Variants in NFIA observed in about 807,000 individuals in gnomAD.
NFIA encodes the protein nuclear factor 1 A-type.
NFIA carries 8 observed loss-of-function variants against 62.8 expected under a neutral mutation model. That is an observed-to-expected ratio of 0.13 (90% CI 0.07 to 0.23). The LOEUF (loss-of-function observed/expected upper bound fraction) is 0.23, where lower values mean the gene tolerates loss of function less well. NFIA is among the 10% of genes least tolerant of loss of function. NFIA has a pLI of 1.00. For missense variants in NFIA, 410 were observed against 642.1 expected, an observed-to-expected ratio of 0.64 and a Z score of 3.91; for synonymous variants, 235 against 238.1, an observed-to-expected ratio of 0.99 and a Z score of 0.12.
At chr1:61,453,250 G>A (rs1200145381) in intron 10 of NFIA, among the ~76,000 whole-genome samples, 1 of 152,004 alleles carries the variant, frequency 6.6e-6, no homozygotes, top group African/African-American at 2.4e-5. Flanking sequence ...TGATAGTCAC[G>A]TCTGGGTCTG....
chr1:61,120,277 TGCCAA>T (rs879310799), intron 2 of NFIA, among the ~76,000 whole-genome samples: 1 of 152,212 alleles, frequency 6.6e-6, no homozygotes, highest in Non-Finnish European at 1.5e-5. Flanking sequence ...CAATAAGTAA[TGCCAA>T]GTGGGACAGT....
intron 2 of NFIA, among the ~76,000 whole-genome samples, chr1:61,177,256 C>G (rs1286494836): frequency 6.6e-6 from 1 of 152,132 alleles, no homozygotes; most frequent in Non-Finnish European, 1.5e-5. Flanking sequence ...GTATTTCCCT[C>G]CTTCCCACAT....
At chr1:61,139,146 C>A (rs1647313745) in intron 2 of NFIA, among the ~76,000 whole-genome samples, 1 of 152,142 alleles carries the variant, frequency 6.6e-6, no homozygotes, top group South Asian at 2.1e-4. Flanking sequence ...TCACTGCACT[C>A]CAGCCTGGGC....
At chr1:61,397,128 A>G (rs946364572) in intron 7 of NFIA, among the ~76,000 whole-genome samples, 3 of 152,162 alleles carry the variant, frequency 2.0e-5, no homozygotes, top group East Asian at 1.9e-4. Context: ...AGATGGCCCC[A>G]TAGTTCTAAG....
chr1:61,407,148 A>G (rs1421577529), intron 9 of NFIA, among the ~76,000 whole-genome samples: 1 of 152,200 alleles, frequency 6.6e-6, no homozygotes, highest in African/African-American at 2.4e-5. Flanking sequence ...TATATACCTC[A>G]TACATCAAAT....
chr1:61,392,966 A>G (rs1272827904), intron 7 of NFIA, among the ~76,000 whole-genome samples: 1 of 152,118 alleles, frequency 6.6e-6, no homozygotes, highest in Non-Finnish European at 1.5e-5. Context: ...GCACAGGCAC[A>G]CACAGGCATA....
chr1:61,374,098 C>T (rs974048088), intron 6 of NFIA, among the ~76,000 whole-genome samples: 1 of 152,022 alleles, frequency 6.6e-6, no homozygotes, highest in African/African-American at 2.4e-5. Flanking sequence ...TAGTAGCTAC[C>T]ATATTGGGCA....
intron 10 of NFIA, among the ~76,000 whole-genome samples, chr1:61,435,311 AC>A (rs1667277146): frequency 6.6e-6 from 1 of 152,180 alleles, no homozygotes; most frequent in Non-Finnish European, 1.5e-5. Flanking sequence ...AATAGTATCT[AC>A]CTCATAGAAG....
chr1:61,334,435 T>G (rs1326622404), intron 4 of NFIA, among the ~76,000 whole-genome samples: 1 of 151,678 alleles, frequency 6.6e-6, no homozygotes, highest in Non-Finnish European at 1.5e-5. Flanking sequence ...ATATCTTTTT[T>G]TTTTAACTTC....
intron 2 of NFIA, among the ~76,000 whole-genome samples, chr1:61,190,399 A>G (rs1191309457): frequency 6.6e-6 from 1 of 152,246 alleles, no homozygotes; most frequent in African/African-American, 2.4e-5. Context: ...GTGTGGAATC[A>G]TTCCTGGAAG....
chr1:61,147,527 A>G (rs754937309), intron 2 of NFIA, among the ~76,000 whole-genome samples: 4 of 152,236 alleles, frequency 2.6e-5, no homozygotes, highest in Non-Finnish European at 5.9e-5. Context: ...GAGTTACTGT[A>G]ACGGAATCAA....
intron 2 of NFIA, among the ~76,000 whole-genome samples, chr1:61,265,706 A>ATAAAAT (rs1437635737): frequency 6.6e-6 from 1 of 152,214 alleles, no homozygotes; most frequent in Non-Finnish European, 1.5e-5. Context: ...AAATTCTAGG[A>ATAAAAT]TCTAGATTAA....
intron 3 of NFIA, among the ~76,000 whole-genome samples, chr1:61,331,358 A>G (rs1661289693): frequency 6.6e-6 from 1 of 152,012 alleles, no homozygotes; most frequent in African/African-American, 2.4e-5. Flanking sequence ...AACTTTTTGC[A>G]TGTGTTTATG....
At chr1:61,159,750 C>T (rs1225110775) in intron 2 of NFIA, among the ~76,000 whole-genome samples, 7 of 144,458 alleles carry the variant, frequency 4.8e-5, no homozygotes, top group Admixed American at 2.9e-4. Flanking sequence ...GGCTCGATCT[C>T]GGCTCATTGC....
At chr1:61,108,011 T>A (rs1302342429) in intron 2 of NFIA, among the ~76,000 whole-genome samples, 1 of 151,728 alleles carries the variant, frequency 6.6e-6, no homozygotes, top group African/African-American at 2.4e-5. Context: ...CTGATCAACT[T>A]GTCTGCCCTA....
At chr1:61,347,596 T>A (rs1662309592) in intron 4 of NFIA, among the ~76,000 whole-genome samples, 1 of 152,222 alleles carries the variant, frequency 6.6e-6, no homozygotes, top group Non-Finnish European at 1.5e-5. Flanking sequence ...TGCCCACTCT[T>A]CCTGGAATCA....
intron 2 of NFIA, among the ~76,000 whole-genome samples, chr1:61,259,480 G>A (rs566990909): frequency 4.3e-4 from 65 of 152,182 alleles, no homozygotes; most frequent in Non-Finnish European, 7.1e-4. Flanking sequence ...GGGAAGGCAC[G>A]TGGGAGTTAT....
At chr1:61,348,629 C>T (rs1216795805) in intron 4 of NFIA, among the ~76,000 whole-genome samples, 1 of 152,180 alleles carries the variant, frequency 6.6e-6, no homozygotes, top group Admixed American at 6.5e-5. Flanking sequence ...TTTTCTTTTT[C>T]TTCCCCTATT....
At chr1:61,374,813 C>A (rs1024939124) in intron 6 of NFIA, among the ~76,000 whole-genome samples, 2 of 152,136 alleles carry the variant, frequency 1.3e-5, no homozygotes, top group Non-Finnish European at 2.9e-5. Flanking sequence ...TATTAACTTT[C>A]ATTTATGCTC....
Sources: gnomAD v4.1 joint callset for allele counts (sites outside exome capture counted in the v4.1 genomes callset) on GRCh38, gnomAD v4.1.1 for gene constraint, MANE v1.5 for transcripts, NCBI Gene and HGNC (gene_info 2026-07-23, HGNC 2026-07-21) for gene names.